Variants in SHROOM4 observed in about 807,000 individuals in gnomAD.
The protein encoded by SHROOM4 is protein Shroom4.
In SHROOM4, 17 loss-of-function variants were observed where a neutral mutation model predicts 80.3. The observed-to-expected ratio is 0.21, with a 90% CI of 0.14 to 0.32. SHROOM4 has a LOEUF of 0.32. Ranked by LOEUF, SHROOM4 falls within the 10% of genes least tolerant of loss-of-function variation. The probability of loss-of-function intolerance (pLI) is 1.00; values close to 1 mark genes in which losing one functional copy is unlikely to be tolerated. For synonymous variants in SHROOM4, 400 were observed against 437.5 expected (o/e 0.91, Z 1.07); for missense variants, 993 against 1,140.3 (o/e 0.87, Z 1.86).
intron 2 of SHROOM4, among the ~76,000 whole-genome samples, chrX:50,686,380 T>C (rs1426487401): frequency 9.0e-6 from 1 of 111,083 alleles, no homozygotes; most frequent in Non-Finnish European, 1.9e-5. Flanking sequence ...AAATCAGTAC[T>C]GAAGGATAAG....
intron 5 of SHROOM4, among the ~76,000 whole-genome samples, chrX:50,618,619 C>T (rs782461282): frequency 9.0e-6 from 1 of 110,504 alleles, no homozygotes; most frequent in Non-Finnish European, 1.9e-5. Context: ...AACTCCTGAC[C>T]TCAAGTGATC....
chrX:50,740,978 A>G (rs146412818), intron 1 of SHROOM4, among the ~76,000 whole-genome samples: 2,051 of 111,655 alleles, frequency 0.018, 21 homozygotes, highest in Non-Finnish European at 0.031. Flanking sequence ...ATGGTGGGAC[A>G]TAAGTATCCA....
At chrX:50,701,114 A>G (rs1933503615) in intron 1 of SHROOM4, among the ~76,000 whole-genome samples, 1 of 111,815 alleles carries the variant, frequency 8.9e-6, no homozygotes, top group Non-Finnish European at 1.9e-5. Context: ...CTGCTTAATC[A>G]CCATCTAGTT....
At chrX:50,616,465 T>A (rs1182242655) in intron 5 of SHROOM4, among the ~76,000 whole-genome samples, 1 of 111,812 alleles carries the variant, frequency 8.9e-6, no homozygotes, top group African/African-American at 3.2e-5. Context: ...TATGAGGACA[T>A]TAGCACATAT....
intron 1 of SHROOM4, among the ~76,000 whole-genome samples, chrX:50,762,928 G>T (rs1602495640): frequency 9.0e-6 from 1 of 111,426 alleles, no homozygotes. Flanking sequence ...TCCATATGTA[G>T]ATTAACATTT....
intron 1 of SHROOM4, among the ~76,000 whole-genome samples, chrX:50,752,431 T>A (rs1268573945): frequency 8.9e-6 from 1 of 111,794 alleles, no homozygotes; most frequent in Non-Finnish European, 1.9e-5. Context: ...AGATTGCCAT[T>A]ACAGTCAGAC....
At chrX:50,777,906 T>C (rs1935544115) in intron 1 of SHROOM4, among the ~76,000 whole-genome samples, 3 of 112,361 alleles carry the variant, frequency 2.7e-5, no homozygotes, top group Non-Finnish European at 5.6e-5. Context: ...TTTTCAAACA[T>C]TAGAGTGCTA....
intron 1 of SHROOM4, among the ~76,000 whole-genome samples, chrX:50,777,656 A>G (rs1208894725): frequency 8.9e-6 from 1 of 111,993 alleles, no homozygotes; most frequent in African/African-American, 3.2e-5. Context: ...TCTCAAATAT[A>G]TATTACTTTT....
intron 1 of SHROOM4, among the ~76,000 whole-genome samples, chrX:50,766,749 T>G (rs2147642055): frequency 9.0e-6 from 1 of 111,689 alleles, no homozygotes; most frequent in African/African-American, 3.2e-5. Context: ...GGAATAGTTT[T>G]GCATAGTGAA....
rs374030656 is a variant in SHROOM4, at chrX:50,723,226, A to T, written c.118-27289T>A. ...TGGAATTTCAGGAATGAAATTGCCC[A>T]TGAGTCAGAATCTACTATTCTTAAA... On this transcript the variant is annotated intron_variant, in intron 1 of 8. Coordinates refer to ENST00000376020, the MANE Select transcript of SHROOM4 (RefSeq NM_020717.5). Among the ~76,000 whole-genome samples, 29 of 98,005 alleles carry T rather than the reference A, an allele frequency of 3.0e-4. No individual in the cohort carries two copies. The South Asian group carries it at 0.017, about 57-fold the overall frequency. 85.1% of individuals were successfully genotyped at this position (98,005 alleles called of 115,157 possible). A position where few individuals can be genotyped will look rare whatever the true frequency, so the allele number is the denominator to read the frequency against.
intron 2 of SHROOM4, among the ~76,000 whole-genome samples, chrX:50,641,866 C>T (rs1931614980): frequency 8.9e-6 from 1 of 112,558 alleles, no homozygotes; most frequent in South Asian, 3.7e-4. Flanking sequence ...CCCGCTTCGG[C>T]CTCCCAAAGT....
intron 1 of SHROOM4, among the ~76,000 whole-genome samples, chrX:50,808,828 A>T (rs1475739230): frequency 9.0e-6 from 1 of 110,701 alleles, no homozygotes; most frequent in Non-Finnish European, 1.9e-5. Flanking sequence ...TGGAGAGGGA[A>T]AATCCTCTAA....
At position 50,596,836 on chromosome X, in the gene SHROOM4, C is replaced by T; in HGVS notation, c.4341G>A (p.Gln1447=). Residue 1447 remains glutamine, a synonymous_variant, in exon 9 of 9, where the codon CAG becomes CAA. Transcript: ENST00000376020. The part of the protein sequence containing the change: ...GMVSRYLPQD[Q]LQDYQHFVKM... The stretch of plus-strand genomic sequence containing the variant: ...TGACAAAGTGCTGGTAATCTTGGAG[C>T]TGGTCCTGAGGCAGGTAGCGGGAGA... The T allele has an allele frequency of 8.3e-7, 1 of 1,211,095 alleles. No individual in the cohort carries two copies. Among genetic ancestry groups the T allele is most frequent in the Non-Finnish European group, 1.1e-6 (1 of 894,969 alleles).
intron 1 of SHROOM4, among the ~76,000 whole-genome samples, chrX:50,696,413 G>A (rs376239958): frequency 6.3e-5 from 7 of 110,365 alleles, no homozygotes; most frequent in African/African-American, 2.4e-4. Context: ...TGACCCTTAG[G>A]AAGTTACTTA....
intron 1 of SHROOM4, among the ~76,000 whole-genome samples, chrX:50,701,148 G>A (rs17003180): frequency 0.041 from 4,620 of 111,652 alleles, 261 homozygotes; most frequent in African/African-American, 0.14. Context: ...AACAAAGGCC[G>A]TCTAAGCTCC....
chrX:50,609,559 G>T (rs200417076), intron 5 of SHROOM4, among the ~76,000 whole-genome samples: 4 of 110,449 alleles, frequency 3.6e-5, no homozygotes, highest in African/African-American at 1.3e-4. Flanking sequence ...AGGAGATAAA[G>T]AAATATTATT....
intron 2 of SHROOM4, among the ~76,000 whole-genome samples, chrX:50,675,125 C>T (rs782506982): frequency 1.9e-4 from 21 of 111,443 alleles, no homozygotes; most frequent in East Asian, 8.5e-4. Context: ...TTTGTCCATA[C>T]GTTGTCATCA....
At chrX:50,732,964 C>G (rs782591583) in intron 1 of SHROOM4, among the ~76,000 whole-genome samples, 1 of 112,163 alleles carries the variant, frequency 8.9e-6, no homozygotes, top group South Asian at 3.6e-4. Context: ...AAAGATATCA[C>G]AAGAAACCTA....
intron 1 of SHROOM4, among the ~76,000 whole-genome samples, chrX:50,703,867 T>C (rs782775979): frequency 1.8e-5 from 2 of 112,055 alleles, no homozygotes; most frequent in Admixed American, 9.5e-5. Flanking sequence ...CTTTGTTAGA[T>C]TGCCTATGTT....
Sources: gnomAD v4.1 joint callset for allele counts (sites outside exome capture counted in the v4.1 genomes callset) on GRCh38, gnomAD v4.1.1 for gene constraint, MANE v1.5 for transcripts, NCBI Gene and HGNC (gene_info 2026-07-23, HGNC 2026-07-21) for gene names.